The following SLC22A31 variants were observed in gnomAD, a reference collection of about 807,000 sequenced individuals.
The protein encoded by SLC22A31 is putative solute carrier family 22 member 31.
Under a neutral mutation model 27.4 loss-of-function variants are expected in SLC22A31, and 42 were observed. That is an observed-to-expected ratio of 1.53 (90% confidence interval 1.20 to 1.98). SLC22A31 has a LOEUF of 1.98. SLC22A31 is among the 30% of genes most tolerant of loss of function. SLC22A31 has a pLI of 0.00. For synonymous variants in SLC22A31, 290 were observed against 230.8 expected (o/e 1.26, Z -2.33); for missense variants, 593 against 479.9 (o/e 1.24, Z -2.20).
Position 89,198,751 on chromosome 16 carries a change from C to G in SLC22A31, c.499G>C (p.Gly167Arg), listed in dbSNP as rs1306207080. The G allele has an allele frequency of 3.9e-6, 6 of 1,535,280 alleles. No homozygotes were observed. In the African/African-American group the frequency reaches 8.2e-5, roughly 21 times the overall value. The stretch of plus-strand genomic sequence containing the variant: ...ATCTTCCTGGCTCGAGCTACCTGAC[C>G]TGTGGCCAGCAGCCAGCAGGGAGAC... Reference protein sequence around the residue: ...PESPCWLLATGQVARARKILW... With the variant: ...PESPCWLLATRQVARARKILW... The change falls in exon 5 of 9, where the codon GGT becomes CGT. Residue 167 changes from glycine to arginine, a missense_variant. Gly to Arg is a moderately radical substitution (Grantham distance 125). Coordinates refer to ENST00000682282, the MANE Select transcript of SLC22A31 (RefSeq NM_001384763.1).
chr16:89,200,103 T>G, intron 1 of SLC22A31: 17 of 293,938 alleles, frequency 5.8e-5, no homozygotes, highest in East Asian at 2.2e-4. Context: ...ACCATTGCTC[T>G]TCCCCCACGG....
Position 89,196,102 on chromosome 16 carries a change from AG to A in SLC22A31, c.1237del (p.Leu413CysfsTer55). The A allele has an allele frequency of 6.5e-7, 1 of 1,533,776 alleles. No homozygotes were observed. The highest frequency in any genetic ancestry group is 1.2e-5 in the South Asian group (1 of 83,948). On this transcript the variant is annotated frameshift_variant, in exon 9 of 9. Transcript: ENST00000682282. LOFTEE classifies it low-confidence loss of function (END_TRUNC). The part of the protein sequence containing the change: ...LPQSLQDADR[L>X]RRSPLLRGRP... ...GCCCCGCAGGAGTGGGGAGCGGCGC[AG>A]GCGGTCGGCGTCCTGCAGTGACTGG...
Position 89,198,050 on chromosome 16 carries a change from G to A in SLC22A31, c.922+72C>T, listed in dbSNP as rs1488636496. Reference sequence around the variant, plus strand: ...CAGGCTGCTCCCCTGTCGGCACTATGGCCCCCTGGTGTGGCAGACCGTCGG... The same window carrying A: ...CAGGCTGCTCCCCTGTCGGCACTATAGCCCCCTGGTGTGGCAGACCGTCGG... On this transcript the variant is annotated intron_variant, in intron 7 of 8. Transcript: ENST00000682282. 4 of 1,484,934 alleles carry A rather than the reference G, an allele frequency of 2.7e-6. No homozygotes were observed. In the Admixed American group the frequency reaches 8.2e-5, roughly 30 times the overall value. The allele number at this position is 1,484,934 out of a possible 1,614,324, so 92.0% of individuals were successfully genotyped here. A position where few individuals can be genotyped will look rare whatever the true frequency, so the allele number is the denominator to read the frequency against.
rs1429993945 is a variant in SLC22A31 at position 89,196,123 on chromosome 16, G to T, written c.1217C>A (p.Ser406Ter). The T allele has an allele frequency of 6.5e-7, 1 of 1,534,726 alleles. No individual in the cohort carries two copies. The highest frequency in any genetic ancestry group is 1.2e-5 in the South Asian group (1 of 84,026). Residue 406 changes from serine to a stop codon, truncating the protein, a stop_gained, in exon 9 of 9, where the codon TCA becomes TAA. Transcript: ENST00000682282. LOFTEE classifies it low-confidence loss of function (END_TRUNC). ...PESRSRGLPQ[S>*]LQDADRLRRS... The stretch of plus-strand genomic sequence containing the variant: ...GCGCAGGCGGTCGGCGTCCTGCAGT[G>T]ACTGGGGCAGCCCCCGGCTTCGGCT...
rs1385619465 is a variant in SLC22A31 at position 89,196,212 on chromosome 16, C to G, written c.1128G>C (p.Leu376=). The G allele has an allele frequency of 6.5e-7, 1 of 1,534,772 alleles. No homozygotes were observed. Among genetic ancestry groups the G allele is most frequent in the Non-Finnish European group, 8.7e-7 (1 of 1,146,502 alleles). Residue 376 remains leucine (L), a synonymous_variant, in exon 9 of 9, where the codon CTG becomes CTC. Coordinates refer to ENST00000682282, the MANE Select transcript of SLC22A31 (RefSeq NM_001384763.1). ...CAAGGGAGGCGAAGACGACTTGTTG[C>G]AGGAAGAAGCCCTGCCGGCCGTGCA... ...DTLHGRQGFF[L]QQVVFASLAV...
Position 89,196,008 on chromosome 16 carries a change from C to G in SLC22A31, c.1332G>C (p.Glu444Asp). Reference protein sequence around the residue: ...SNSYWAGHTPEQH With the variant: ...SNSYWAGHTPDQH ...GGGCCACCAGGCAGGACTAGTGCTG[C>G]TCGGGGGTGTGGCCGGCCCAGTAGG... is the stretch of plus-strand genomic sequence containing the variant. The change falls in exon 9 of 9, where the codon GAG becomes GAC. Residue 444 changes from glutamate (E) to aspartate (D), a missense_variant. Transcript: ENST00000682282. 1 of 1,508,544 alleles carries G rather than the reference C, an allele frequency of 6.6e-7. No homozygotes were observed. The highest frequency in any genetic ancestry group is 8.8e-7 in the Non-Finnish European group (1 of 1,133,490). 93.4% of individuals were successfully genotyped at this position (1,508,544 alleles called of 1,614,324 possible).
chr16:89,196,131 C>T lies in SLC22A31; in HGVS notation c.1209G>A (p.Leu403=). The change falls in exon 9 of 9, where the codon CTG becomes CTA. Residue 403 remains leucine, a synonymous_variant. Coordinates refer to ENST00000682282, the MANE Select transcript of SLC22A31 (RefSeq NM_001384763.1). ...LLLPESRSRG[L]PQSLQDADRL... Reference sequence around the variant, plus strand: ...GGTCGGCGTCCTGCAGTGACTGGGGCAGCCCCCGGCTTCGGCTCTCAGGCA... The same window carrying T: ...GGTCGGCGTCCTGCAGTGACTGGGGTAGCCCCCGGCTTCGGCTCTCAGGCA... 1 of 1,534,780 alleles carries T rather than the reference C, an allele frequency of 6.5e-7. No individual in the cohort carries two copies. Among genetic ancestry groups the T allele is most frequent in the Middle Eastern group, 1.8e-4 (1 of 5,520 alleles).
upstream of SLC22A31, chr16:89,201,116 G>A (rs1363928032): frequency 2.7e-6 from 1 of 375,974 alleles, no homozygotes. Context: ...GCACCGTCGG[G>A]CCGGCGGCCG....
Position 89,197,325 on chromosome 16 carries a change from G to A in SLC22A31, c.1007C>T (p.Ala336Val), listed in dbSNP as rs750483546. The A allele has an allele frequency of 3.6e-5, 55 of 1,535,636 alleles. No homozygotes were observed. Among genetic ancestry groups the A allele is most frequent in the Admixed American group, 1.2e-4 (6 of 50,964 alleles). ...GATCACCGTGGGGAAGACCTCGGCC[G>A]CGAAGAGGCTGCTGAGTGCGGACAC... ...RAVSALSSLF[A>V]AEVFPTVIRG... is the part of the protein sequence containing the mutation. The change falls in exon 8 of 9, where the codon GCG (alanine) becomes GTG (valine). Residue 336 changes from alanine (A) to valine (V), a missense_variant. Transcript: ENST00000682282.
At position 89,198,561 on chromosome 16, in the gene SLC22A31, A is replaced by G. The variant is rs1567781755; in HGVS notation, c.599-11T>C. 2 of 1,509,984 alleles carry G rather than the reference A, an allele frequency of 1.3e-6. No homozygotes were observed. The highest frequency in any genetic ancestry group is 4.0e-5 in the Admixed American group (2 of 49,596). The allele number at this position is 1,509,984 out of a possible 1,614,324, so 93.5% of individuals were successfully genotyped here. On this transcript the variant is annotated splice_polypyrimidine_tract_variant and intron_variant, in intron 5 of 8. Transcript: ENST00000682282. ...ACAGCATGGTCAGCTCTGTAGCCGC[A>G]GAGATGTGAGGGGAGGGGGGTGAGG...
chr16:89,199,058 A>T lies in SLC22A31; in HGVS notation c.417T>A (p.Gly139=). The T allele has an allele frequency of 6.5e-7, 1 of 1,535,278 alleles. No homozygotes were observed. Among genetic ancestry groups the T allele is most frequent in the Non-Finnish European group, 8.7e-7 (1 of 1,146,656 alleles). ...GCAGCAAGAGTCCACTCATCAGGGC[A>T]CCCAGCCCCTGCAGAAGACGCCAGT... The part of the protein sequence containing the change: ...VQDWRLLQGL[G]ALMSGLLLLF... The change falls in exon 4 of 9, where the codon GGT becomes GGA. Residue 139 remains glycine, a synonymous_variant. Transcript: ENST00000682282.
At position 89,196,258 on chromosome 16, in the gene SLC22A31, G is replaced by A; in HGVS notation, c.1082C>T (p.Ala361Val). 1 of 1,532,600 alleles carries A rather than the reference G, an allele frequency of 6.5e-7. No homozygotes were observed. Among genetic ancestry groups the A allele is most frequent in the Non-Finnish European group, 8.7e-7 (1 of 1,145,818 alleles). 94.9% of individuals were successfully genotyped at this position (1,532,600 alleles called of 1,614,324 possible). A position where few individuals can be genotyped will look rare whatever the true frequency, so the allele number is the denominator to read the frequency against. ...GTGCAGGGTGTCCAGGGGGCCGGCT[G>A]CCTGGCCCAGGAACCCGGCCCCCAG... ...LVLGAGFLGQAAGPLDTLHGR... is the reference protein window; with the variant it reads ...LVLGAGFLGQVAGPLDTLHGR... Residue 361 changes from alanine to valine, a missense_variant, in exon 9 of 9, where the codon GCA becomes GTA. Coordinates refer to ENST00000682282, the MANE Select transcript of SLC22A31 (RefSeq NM_001384763.1).
In SLC22A31 at chr16:89,196,196, C is replaced by T. The variant is rs764006054; in HGVS notation, c.1144G>A (p.Ala382Thr). 11 of 1,534,976 alleles carry T rather than the reference C, an allele frequency of 7.2e-6. No homozygotes were observed. Among genetic ancestry groups the T allele is most frequent in the African/African-American group, 2.7e-5 (2 of 72,984 alleles). Residue 382 changes from alanine to threonine, a missense_variant, in exon 9 of 9, where the codon GCC becomes ACC. Coordinates refer to ENST00000682282, the MANE Select transcript of SLC22A31 (RefSeq NM_001384763.1). Reference protein sequence around the residue: ...QGFFLQQVVFASLAVLALLCV... With the variant: ...QGFFLQQVVFTSLAVLALLCV... ...AGCAGGGCAAGGACAGCAAGGGAGG[C>T]GAAGACGACTTGTTGCAGGAAGAAG...
upstream of SLC22A31, chr16:89,201,562 C>T (rs1480488085): frequency 2.5e-6 from 1 of 398,694 alleles, no homozygotes; most frequent in Middle Eastern, 3.6e-4. Flanking sequence ...GAGCTCAGCA[C>T]CAGCCCCAGC....
In SLC22A31 at chr16:89,198,474, G is replaced by C. The variant is rs1351753378; in HGVS notation, c.675C>G (p.Thr225=). 11 of 1,520,602 alleles carry C rather than the reference G, an allele frequency of 7.2e-6. No individual in the cohort carries two copies. Among genetic ancestry groups the C allele is most frequent in the Non-Finnish European group, 9.7e-6 (11 of 1,138,582 alleles). The allele number at this position is 1,520,602 out of a possible 1,614,324, so 94.2% of individuals were successfully genotyped here. A position where few individuals can be genotyped will look rare whatever the true frequency, so the allele number is the denominator to read the frequency against. ...SPLGLLRTRV[T]WRNGLILGFS... The stretch of plus-strand genomic sequence containing the variant: ...AGCCCAAGATAAGCCCGTTTCTCCA[G>C]GTGACTCGGGTACGCAGAAGCCCCA... The change falls in exon 6 of 9, where the codon ACC becomes ACG. Residue 225 remains threonine (T), a synonymous_variant. Transcript: ENST00000682282.
intron 5 of SLC22A31, 24 bp from the exon 6 acceptor site, chr16:89,198,574 GA>G: frequency 6.6e-7 from 1 of 1,513,482 alleles, no homozygotes; most frequent in Non-Finnish European, 8.8e-7. Context: ...GATGTGAGGG[GA>G]GGGGGGTGAG....
rs1043008483 is a variant in SLC22A31, at chr16:89,197,628, G to A, written c.923-219C>T. ...GATGTTAGAATCCTGACCCCGAGCC[G>A]CAGCCACACCGACCACCTCCACTCG... On this transcript the variant is annotated intron_variant, in intron 7 of 8. Transcript: ENST00000682282. 7.2e-5 allele frequency among the ~76,000 whole-genome samples: 11 copies of A among 152,296 alleles called. No individual in the cohort carries two copies. In the East Asian group the frequency reaches 1.2e-3, roughly 16 times the overall value.
rs780900997 is a variant in SLC22A31, at chr16:89,196,015, G to T, written c.1325C>A (p.Thr442Asn). Residue 442 changes from threonine (T) to asparagine (N), a missense_variant, in exon 9 of 9, where the codon ACC becomes AAC. Physicochemically the swap from Thr to Asn is moderately conservative, Grantham distance 65. Coordinates refer to ENST00000682282, the MANE Select transcript of SLC22A31 (RefSeq NM_001384763.1). ...CAGGCAGGACTAGTGCTGCTCGGGG[G>T]TGTGGCCGGCCCAGTAGGAGTTGGA... Reference protein sequence around the residue: ...PPSNSYWAGHTPEQH With the variant: ...PPSNSYWAGHNPEQH 237 of 1,514,060 alleles carry T rather than the reference G, an allele frequency of 1.6e-4. 1 individual carries two copies. The Middle Eastern group carries it at 2.3e-3, about 15-fold the overall frequency. The allele number at this position is 1,514,060 out of a possible 1,614,324, so 93.8% of individuals were successfully genotyped here.
At position 89,195,880 on chromosome 16, in the gene SLC22A31, A is replaced by C; in HGVS notation, c.*119T>G. ...ACGCTGTCCCCACGGCTCCACCTGC[A>C]CTGAGACACGGGCTTCTGAGAGGAA... On this transcript the variant is annotated 3_prime_UTR_variant, in exon 9 of 9. Coordinates refer to ENST00000682282, the MANE Select transcript of SLC22A31 (RefSeq NM_001384763.1). 1 of 1,213,758 alleles carries C rather than the reference A, an allele frequency of 8.2e-7. No homozygotes were observed. The allele number at this position is 1,213,758 out of a possible 1,614,324, so 75.2% of individuals were successfully genotyped here.
Sources: gnomAD v4.1 joint callset for allele counts (sites outside exome capture counted in the v4.1 genomes callset) on GRCh38, gnomAD v4.1.1 for gene constraint, MANE v1.5 for transcripts, NCBI Gene and HGNC (gene_info 2026-07-23, HGNC 2026-07-21) for gene names.